The following WWP1 variants were observed in gnomAD, a reference collection of about 807,000 sequenced individuals.
WWP1 encodes the protein WW domain containing E3 ubiquitin protein ligase 1.
Under a neutral mutation model 130.6 loss-of-function variants are expected in WWP1, and 49 were observed. The ratio of observed to expected loss-of-function variants is 0.38; its 90% CI spans 0.30 to 0.48. The LOEUF is 0.48. WWP1 is among the 20% of genes least tolerant of loss of function. The pLI, the probability that WWP1 is intolerant of heterozygous loss-of-function variation, is 0.99. For synonymous variants in WWP1, 332 were observed against 367.8 expected, an observed-to-expected ratio of 0.90 and a Z score of 1.11; for missense variants, 809 against 1,100.6, an observed-to-expected ratio of 0.74 and a Z score of 3.75.
intron 2 of WWP1, among the ~76,000 whole-genome samples, chr8:86,372,059 T>C (rs1824340160): frequency 7.1e-6 from 1 of 140,910 alleles, no homozygotes; most frequent in African/African-American, 2.7e-5. Flanking sequence ...AGTTTCGCTC[T>C]GTCGCCCAGG....
Position 86,435,483 on chromosome 8 carries a change from C to T in WWP1, c.1633C>T (p.Arg545Cys). ...AGGTGGTCCACAAATTGCTTATGAA[C>T]GCGGCTTTAGGTGGAAGCTTGCTCA... ...TKGGPQIAYE[R>C]GFRWKLAHFR... Residue 545 changes from arginine to cysteine, a missense_variant, in exon 15 of 25, where the codon CGC becomes TGC. Arg to Cys is a radical substitution (Grantham distance 180). This residue lies in a region of WWP1 where 450 missense variants were observed against 674.2 expected (regional missense o/e 0.67). Transcript: ENST00000517970. The T allele has an allele frequency of 1.2e-6, 2 of 1,614,004 alleles. No homozygotes were observed. The highest frequency in any genetic ancestry group is 1.7e-6 in the Non-Finnish European group (2 of 1,179,976).
At position 86,422,319 on chromosome 8, in the gene WWP1, G is replaced by GTATTTATT. The variant is rs55854341; in HGVS notation, c.1062-2868_1062-2861dup. ...GTCTTAAACTCAGAAGTACCAGTTT[G>GTATTTATT]TATTTATTTATTTATTTATTTATTT... On this transcript the variant is annotated intron_variant, in intron 9 of 24. Coordinates refer to ENST00000517970, the MANE Select transcript of WWP1 (RefSeq NM_007013.4). Among the ~76,000 whole-genome samples the GTATTTATT allele has an allele frequency of 3.6e-3, 528 of 148,080 alleles. 5 individuals carry two copies. The highest frequency in any genetic ancestry group is 5.9e-3 in the Admixed American group (87 of 14,818).
intron 9 of WWP1, among the ~76,000 whole-genome samples, chr8:86,412,429 C>T (rs1055887656): frequency 3.3e-5 from 5 of 152,084 alleles, no homozygotes; most frequent in East Asian, 1.9e-4. Flanking sequence ...GTATTCCATT[C>T]GGTAATTTCT....
Position 86,382,869 on chromosome 8 carries a change from C to T in WWP1, c.334+1240C>T, listed in dbSNP as rs188626889. ...GTAAATATTTTTGCTCTTCTTATTT[C>T]TGTAGAGATTCTCTTATTAATTCCT... On this transcript the variant is annotated intron_variant, in intron 5 of 24. Transcript: ENST00000517970. Among the ~76,000 whole-genome samples, 474 of 152,274 alleles carry T rather than the reference C, an allele frequency of 3.1e-3. 1 individual carries two copies. Among genetic ancestry groups the T allele is most frequent in the African/African-American group, 0.01 (419 of 41,554 alleles).
chr8:86,416,577 CTTT>C lies in WWP1; in HGVS notation c.1061+4714_1061+4716del, dbSNP rs561660860. On this transcript the variant is annotated intron_variant, in intron 9 of 24. Coordinates refer to ENST00000517970, the MANE Select transcript of WWP1 (RefSeq NM_007013.4). ...TATTTTTCAAAATTCTTCCACATTTCTTTTTTTTTTTTTAAGCAAAGTCTTTGT... is the reference window on the plus strand; with the variant it reads ...TATTTTTCAAAATTCTTCCACATTTCTTTTTTTTTTAAGCAAAGTCTTTGT... Among the ~76,000 whole-genome samples, 464 of 140,486 alleles carry C rather than the reference CTTT, an allele frequency of 3.3e-3. 2 individuals carry two copies. The highest frequency in any genetic ancestry group is 0.012 in the African/African-American group (443 of 38,220). The allele number at this position is 140,486 out of a possible 152,430, so 92.2% of individuals were successfully genotyped here.
intron 1 of WWP1, among the ~76,000 whole-genome samples, chr8:86,353,376 A>C (rs570227091): frequency 7.7e-4 from 117 of 152,288 alleles, no homozygotes; most frequent in African/African-American, 2.8e-3. Flanking sequence ...TGGTTGAAAT[A>C]AACATAGGTT....
chr8:86,409,439 T>A (rs1808463821), intron 8 of WWP1, among the ~76,000 whole-genome samples: 2 of 150,698 alleles, frequency 1.3e-5, no homozygotes, highest in Admixed American at 6.6e-5. Flanking sequence ...TTTCACCGTG[T>A]TGGTCAGGGT....
At chr8:86,345,328 A>G (rs1822511902) in intron 1 of WWP1, among the ~76,000 whole-genome samples, 2 of 152,156 alleles carry the variant, frequency 1.3e-5, no homozygotes, top group Non-Finnish European at 2.9e-5. Flanking sequence ...ATATGCGCCT[A>G]TGCTTTGTGG....
At chr8:86,431,852 A>G (rs2130680033) in intron 14 of WWP1, 109 bp downstream of exon 14, 1 of 1,439,148 alleles carries the variant, frequency 6.9e-7, no homozygotes, top group South Asian at 1.3e-5. Flanking sequence ...TTGGTTCAAG[A>G]AAACCTACAC....
At chr8:86,409,691 C>A (rs1265301718) in intron 8 of WWP1, among the ~76,000 whole-genome samples, 1 of 151,682 alleles carries the variant, frequency 6.6e-6, no homozygotes, top group African/African-American at 2.4e-5. Flanking sequence ...GAAAGCCCAT[C>A]TCTACCAAAA....
rs557373868 is a variant in WWP1 at position 86,373,757 on chromosome 8, C to T, written c.-21-273C>T. Among the ~76,000 whole-genome samples, 24 of 152,284 alleles carry T rather than the reference C, an allele frequency of 1.6e-4. No individual in the cohort carries two copies. The East Asian group carries it at 4.2e-3, about 27-fold the overall frequency. ...GCTTGGTATGGGAATCTCACTCCTT[C>T]CCCTTGTAGCAGGCCCAGTGCTTTG... On this transcript the variant is annotated intron_variant, in intron 2 of 24. Coordinates refer to ENST00000517970, the MANE Select transcript of WWP1 (RefSeq NM_007013.4).
At chr8:86,465,139 C>T (rs1026277954) in intron 24 of WWP1, among the ~76,000 whole-genome samples, 1 of 152,030 alleles carries the variant, frequency 6.6e-6, no homozygotes, top group East Asian at 1.9e-4. Context: ...TAGAGGAACA[C>T]GGCTAAGATT....
chr8:86,414,930 G>T (rs1251492106), intron 9 of WWP1, among the ~76,000 whole-genome samples: 2 of 133,694 alleles, frequency 1.5e-5, no homozygotes, highest in African/African-American at 5.9e-5. Flanking sequence ...AGGCAACTGG[G>T]TCATGGCATA....
Position 86,396,580 on chromosome 8 carries a change from T to G in WWP1, c.335-1762T>G, listed in dbSNP as rs1311768347. ...TGGTTTAAACATTTTTTTTTTTTTTTGCAAAGAATTTCTTTTTCTTCTTTC... is the reference window on the plus strand; with the variant it reads ...TGGTTTAAACATTTTTTTTTTTTTTGGCAAAGAATTTCTTTTTCTTCTTTC... On this transcript the variant is annotated intron_variant, in intron 5 of 24. Transcript: ENST00000517970. Among the ~76,000 whole-genome samples, 8 of 148,122 alleles carry G rather than the reference T, an allele frequency of 5.4e-5. 1 individual carries two copies. The highest frequency in any genetic ancestry group is 5.3e-4 in the Admixed American group (8 of 14,996).
intron 1 of WWP1, among the ~76,000 whole-genome samples, chr8:86,358,917 G>C (rs1823406043): frequency 6.6e-6 from 1 of 152,122 alleles, no homozygotes; most frequent in Non-Finnish European, 1.5e-5. Context: ...AAAAAAACAT[G>C]GTTAGAGTGC....
intron 2 of WWP1, among the ~76,000 whole-genome samples, chr8:86,372,604 A>C (rs1824385606): frequency 6.6e-6 from 1 of 152,122 alleles, no homozygotes. Context: ...AATTGGTTTT[A>C]TATATGATGT....
chr8:86,406,644 A>G (rs1808295553), intron 8 of WWP1, among the ~76,000 whole-genome samples: 1 of 152,044 alleles, frequency 6.6e-6, no homozygotes, highest in Non-Finnish European at 1.5e-5. Flanking sequence ...ACATTTCACC[A>G]TTTCTACCTG....
intron 5 of WWP1, among the ~76,000 whole-genome samples, chr8:86,390,221 G>C (rs962341604): frequency 1.3e-5 from 2 of 151,226 alleles, no homozygotes; most frequent in African/African-American, 4.9e-5. Flanking sequence ...CTGGGCGGCC[G>C]GGCAGAGGGG....
At chr8:86,387,744 G>A (rs1432972065) in intron 5 of WWP1, among the ~76,000 whole-genome samples, 2 of 152,094 alleles carry the variant, frequency 1.3e-5, no homozygotes, top group East Asian at 1.9e-4. Context: ...GACTGGTCTC[G>A]AACTCCTGAC....
Sources: gnomAD v4.1 joint callset for allele counts (sites outside exome capture counted in the v4.1 genomes callset) on GRCh38, gnomAD v4.1.1 for gene constraint, gnomAD v4.1.1 regional missense constraint, MANE v1.5 for transcripts, NCBI Gene and HGNC (gene_info 2026-07-23, HGNC 2026-07-21) for gene names.